The following FMN2 variants were observed in gnomAD, a reference collection of about 807,000 sequenced individuals.
FMN2 encodes formin-2.
A neutral mutation model predicts 142.3 loss-of-function variants in FMN2; 51 were observed. The observed-to-expected ratio is 0.36, with a 90% CI of 0.29 to 0.45. The LOEUF (loss-of-function observed/expected upper bound fraction) is 0.45. FMN2 is among the 20% of genes least tolerant of loss of function. The probability of loss-of-function intolerance (pLI) is 1.00; values close to 1 mark genes in which losing one functional copy is unlikely to be tolerated. For missense variants in FMN2, 1,936 were observed against 2,122.8 expected, an observed-to-expected ratio of 0.91 and a Z score of 1.73; for synonymous variants, 882 against 869.8, an observed-to-expected ratio of 1.01 and a Z score of -0.25.
At chr1:240,205,856 A>C (rs1666329691) in intron 4 of FMN2, among the ~76,000 whole-genome samples, 1 of 148,024 alleles carries the variant, frequency 6.8e-6, no homozygotes, top group Admixed American at 6.8e-5. Context: ...TATATGTCAG[A>C]GTGCCCCATA....
At chr1:240,131,632 C>A (rs571426085) in intron 2 of FMN2, among the ~76,000 whole-genome samples, 2 of 152,028 alleles carry the variant, frequency 1.3e-5, no homozygotes, top group African/African-American at 4.8e-5. Context: ...TCGCTTGAAC[C>A]CAGGAGGCGG....
chr1:240,334,202 C>G lies in FMN2; in HGVS notation c.4738C>G (p.Leu1580Val). ...GAAGTTTGAAGATTTTCAAAAAGATCTCAGAAAACTGAAGAAAGACTTGAA... is the reference window on the plus strand; with the variant it reads ...GAAGTTTGAAGATTTTCAAAAAGATGTCAGAAAACTGAAGAAAGACTTGAA... ...QMKFEDFQKD[L>V]RKLKKDLKAC... Residue 1580 changes from leucine (L) to valine (V), a missense_variant, in exon 13 of 18, where the codon CTC becomes GTC. Leu to Val is a conservative substitution (Grantham distance 32). Around this residue, in one of 8 missense-constraint regions of FMN2, gnomAD observed 322 missense variants for 401.6 expected, o/e 0.80. Coordinates refer to ENST00000319653, the MANE Select transcript of FMN2 (RefSeq NM_020066.5). The G allele has an allele frequency of 6.2e-7, 1 of 1,603,690 alleles. No individual in the cohort carries two copies.
chr1:240,180,751 G>A lies in FMN2; in HGVS notation c.1930+2683G>A, dbSNP rs549243675. Among the ~76,000 whole-genome samples the A allele has an allele frequency of 3.3e-5, 5 of 151,822 alleles. No homozygotes were observed. The South Asian group carries it at 8.3e-4, about 25-fold the overall frequency. ...CAAGCTAATTTTTGTATTTTTAGTA[G>A]AGACAGGGTTTCACCATGTTAGCTA... On this transcript the variant is annotated intron_variant, in intron 3 of 17. Coordinates refer to ENST00000319653, the MANE Select transcript of FMN2 (RefSeq NM_020066.5).
chr1:240,164,042 TA>T (rs1664384476), intron 2 of FMN2, among the ~76,000 whole-genome samples: 1 of 152,040 alleles, frequency 6.6e-6, no homozygotes, highest in South Asian at 2.1e-4. Flanking sequence ...CACCCCAAGA[TA>T]ATTTTTATGT....
At chr1:240,322,066 A>C (rs975957611) in intron 8 of FMN2, among the ~76,000 whole-genome samples, 1 of 152,164 alleles carries the variant, frequency 6.6e-6, no homozygotes, top group Admixed American at 6.5e-5. Flanking sequence ...AGCCACCCTT[A>C]GCCTACAGTT....
At chr1:240,250,126 T>C (rs1227520760) in intron 6 of FMN2, among the ~76,000 whole-genome samples, 1 of 152,154 alleles carries the variant, frequency 6.6e-6, no homozygotes, top group African/African-American at 2.4e-5. Context: ...CACTATGTTA[T>C]GTTAAGTAGG....
At chr1:240,388,251 A>C (rs1489976928) in intron 14 of FMN2, among the ~76,000 whole-genome samples, 1 of 149,808 alleles carries the variant, frequency 6.7e-6, no homozygotes, top group Non-Finnish European at 1.5e-5. Context: ...AAAAAAAAAA[A>C]AAATCATGAA....
intron 6 of FMN2, among the ~76,000 whole-genome samples, chr1:240,243,833 G>A (rs1322094481): frequency 1.3e-5 from 2 of 152,182 alleles, no homozygotes; most frequent in African/African-American, 4.8e-5. Context: ...TGGAAATCTT[G>A]AGTTTGGGAA....
rs12076010 is a variant in FMN2, at chr1:240,419,967, G to A, written c.4911-18094G>A. On this transcript the variant is annotated intron_variant, in intron 15 of 17. Coordinates refer to ENST00000319653, the MANE Select transcript of FMN2 (RefSeq NM_020066.5). ...GCTCCACTAACCATCTCCACAATCC[G>A]CTGAGAGTCAGGCCTCCTTGGCTGC... Among the ~76,000 whole-genome samples, 38 of 152,192 alleles carry A rather than the reference G, an allele frequency of 2.5e-4. 1 individual carries two copies. Among genetic ancestry groups the A allele is most frequent in the African/African-American group, 7.7e-4 (32 of 41,522 alleles).
At chr1:240,165,880 G>A (rs1664461748) in intron 2 of FMN2, among the ~76,000 whole-genome samples, 1 of 151,822 alleles carries the variant, frequency 6.6e-6, no homozygotes, top group African/African-American at 2.4e-5. Flanking sequence ...GAGAGGTGTT[G>A]GTAGGGCCAG....
chr1:240,375,574 A>AACC (rs1673014579), intron 14 of FMN2, among the ~76,000 whole-genome samples: 1 of 152,196 alleles, frequency 6.6e-6, no homozygotes, highest in Non-Finnish European at 1.5e-5. Context: ...CATCAAATGA[A>AACC]ATATTTACCC....
At chr1:240,195,281 T>A (rs1256715375) in intron 4 of FMN2, among the ~76,000 whole-genome samples, 2 of 152,356 alleles carry the variant, frequency 1.3e-5, no homozygotes, top group East Asian at 3.9e-4. Flanking sequence ...TCTGCTTTCT[T>A]CTTTCAGCTC....
At chr1:240,113,087 T>G (rs978117023) in intron 1 of FMN2, among the ~76,000 whole-genome samples, 3 of 152,148 alleles carry the variant, frequency 2.0e-5, no homozygotes, top group African/African-American at 7.2e-5. Context: ...GCCAATGATT[T>G]TCATTTATTG....
At chr1:240,278,803 C>T (rs1669302374) in intron 7 of FMN2, among the ~76,000 whole-genome samples, 1 of 152,084 alleles carries the variant, frequency 6.6e-6, no homozygotes, top group African/African-American at 2.4e-5. Context: ...TTGAAGTCTG[C>T]ATTACTTCTT....
At chr1:240,098,096 A>ATTTTTTTTTTTTTTTTTTTTTT (rs1558293621) in intron 1 of FMN2, among the ~76,000 whole-genome samples, 2 of 81,194 alleles carry the variant, frequency 2.5e-5, no homozygotes, top group African/African-American at 1.4e-4. Flanking sequence ...GGTTATCTTG[A>ATTTTTTTTTTTTTTTTTTTTTT]ATTTTTTTTT....
intron 7 of FMN2, among the ~76,000 whole-genome samples, chr1:240,293,850 G>T (rs936609824): frequency 6.6e-6 from 1 of 152,048 alleles, no homozygotes; most frequent in Non-Finnish European, 1.5e-5. Flanking sequence ...CCTGTGCTTC[G>T]ATTTCCCACT....
At chr1:240,278,782 A>G (rs1286913287) in intron 7 of FMN2, among the ~76,000 whole-genome samples, 2 of 152,130 alleles carry the variant, frequency 1.3e-5, no homozygotes, top group Non-Finnish European at 2.9e-5. Flanking sequence ...TATATGTATA[A>G]GTTGTGAAAT....
At chr1:240,399,147 A>G (rs1167961239) in intron 15 of FMN2, among the ~76,000 whole-genome samples, 1 of 152,162 alleles carries the variant, frequency 6.6e-6, no homozygotes, top group East Asian at 1.9e-4. Flanking sequence ...AAGAAAAACA[A>G]TGTCCACATT....
At chr1:240,178,743 T>C (rs1665031558) in intron 3 of FMN2, among the ~76,000 whole-genome samples, 1 of 152,092 alleles carries the variant, frequency 6.6e-6, no homozygotes, top group Admixed American at 6.6e-5. Context: ...CTTTTCTTCA[T>C]TTTGTTGTAA....
Sources: gnomAD v4.1 joint callset for allele counts (sites outside exome capture counted in the v4.1 genomes callset) on GRCh38, gnomAD v4.1.1 for gene constraint, gnomAD v4.1.1 regional missense constraint, MANE v1.5 for transcripts, NCBI Gene and HGNC (gene_info 2026-07-23, HGNC 2026-07-21) for gene names.